Variants in PPME1 observed in about 807,000 individuals in gnomAD.
PPME1 encodes protein phosphatase methylesterase 1, also known as testicular secretory protein Li 39.
PPME1 carries 17 observed loss-of-function variants against 56.9 expected under a neutral mutation model. The ratio of observed to expected loss-of-function variants is 0.30; its 90% CI spans 0.20 to 0.45. The LOEUF (loss-of-function observed/expected upper bound fraction) is 0.45, where lower values mean the gene tolerates loss of function less well. PPME1 is among the 20% of genes least tolerant of loss of function. The pLI, the probability that PPME1 is intolerant of heterozygous loss-of-function variation, is 1.00. For missense variants in PPME1, 357 were observed against 483.2 expected, an observed-to-expected ratio of 0.74 and a Z score of 2.45; for synonymous variants, 122 against 156.2, an observed-to-expected ratio of 0.78 and a Z score of 1.63.
chr11:74,183,072 G>T (rs1183196440), intron 1 of PPME1, among the ~76,000 whole-genome samples: 1 of 151,998 alleles, frequency 6.6e-6, no homozygotes, highest in Non-Finnish European at 1.5e-5. Context: ...CGAGGTGGGA[G>T]GATTGCTTGA....
At chr11:74,206,783 T>G (rs1232892985) in intron 3 of PPME1, among the ~76,000 whole-genome samples, 5 of 152,114 alleles carry the variant, frequency 3.3e-5, no homozygotes, top group Non-Finnish European at 1.5e-5. Flanking sequence ...CCCAGGGTGG[T>G]GTCAAACTCC....
At chr11:74,214,519 G>GCATTTAATAATCAAACTC (rs1210099329) in intron 3 of PPME1, among the ~76,000 whole-genome samples, 9 of 151,808 alleles carry the variant, frequency 5.9e-5, no homozygotes, top group Admixed American at 4.6e-4. Context: ...CTACCTCAAG[G>GCATTTAATAATCAAACTC]CATTTAATAA....
chr11:74,181,753 T>A (rs1037928087), intron 1 of PPME1, among the ~76,000 whole-genome samples: 9 of 152,218 alleles, frequency 5.9e-5, no homozygotes, highest in Admixed American at 3.9e-4. Flanking sequence ...CACCTGTCAT[T>A]TTACCAGGAA....
intron 1 of PPME1, among the ~76,000 whole-genome samples, chr11:74,202,988 A>G (rs1240368542): frequency 6.6e-6 from 1 of 152,122 alleles, no homozygotes; most frequent in Non-Finnish European, 1.5e-5. Context: ...TTATATATTC[A>G]TATATAAAGA....
intron 11 of PPME1, chr11:74,247,448 GAT>G (rs1285871159): frequency 5.4e-6 from 1 of 183,990 alleles, no homozygotes; most frequent in South Asian, 1.9e-4. Flanking sequence ...TGTGAAAAGA[GAT>G]ATTCTGACTA....
intron 7 of PPME1, among the ~76,000 whole-genome samples, chr11:74,234,322 G>A (rs1031902393): frequency 2.6e-5 from 4 of 152,126 alleles, no homozygotes; most frequent in East Asian, 1.9e-4. Flanking sequence ...TTGGAGAATC[G>A]TCATCACATA....
intron 5 of PPME1, among the ~76,000 whole-genome samples, chr11:74,227,304 A>T (rs1194815396): frequency 6.6e-6 from 1 of 152,178 alleles, no homozygotes; most frequent in East Asian, 1.9e-4. Flanking sequence ...ATGAAGGATG[A>T]ATTGGAGTTG....
At chr11:74,171,940 G>A (rs1857252180) in intron 1 of PPME1, among the ~76,000 whole-genome samples, 2 of 152,144 alleles carry the variant, frequency 1.3e-5, no homozygotes, top group African/African-American at 4.8e-5. Context: ...AAAGGTTTGG[G>A]AGGAGTAGAT....
chr11:74,240,601 T>C (rs1222221520), intron 9 of PPME1, among the ~76,000 whole-genome samples: 1 of 152,228 alleles, frequency 6.6e-6, no homozygotes, highest in South Asian at 2.1e-4. Context: ...GTATTTTAAA[T>C]TTGAGGATCT....
intron 3 of PPME1, among the ~76,000 whole-genome samples, chr11:74,208,363 C>G (rs1374347722): frequency 6.6e-6 from 1 of 151,424 alleles, no homozygotes; most frequent in African/African-American, 2.4e-5. Context: ...AGCCAATCAG[C>G]AAATACTTAC....
At chr11:74,250,724 A>G in intron 11 of PPME1, 2 of 503,880 alleles carry the variant, frequency 4.0e-6, no homozygotes, top group African/African-American at 1.9e-5. Context: ...TCTGGCCCAC[A>G]GTAAATGTAC....
At chr11:74,251,515 A>T (rs1859661677) in intron 12 of PPME1, 133 bp from the exon 13 acceptor site, 1 of 1,469,348 alleles carries the variant, frequency 6.8e-7, no homozygotes, top group African/African-American at 1.4e-5. Flanking sequence ...AGGTCCTTTT[A>T]ATTTCAAGCC....
At chr11:74,181,113 C>T (rs974857931) in intron 1 of PPME1, among the ~76,000 whole-genome samples, 5 of 146,874 alleles carry the variant, frequency 3.4e-5, no homozygotes, top group Non-Finnish European at 5.9e-5. Context: ...GGCGCAATCT[C>T]GGCTCACTGC....
intron 1 of PPME1, among the ~76,000 whole-genome samples, chr11:74,193,263 C>T (rs1857890865): frequency 6.6e-6 from 1 of 152,208 alleles, no homozygotes; most frequent in Admixed American, 6.5e-5. Context: ...CATAGATTTT[C>T]CACATGGGTG....
intron 1 of PPME1, among the ~76,000 whole-genome samples, chr11:74,183,940 C>G (rs1221369356): frequency 6.6e-6 from 1 of 152,108 alleles, no homozygotes; most frequent in Non-Finnish European, 1.5e-5. Context: ...TTAGAATTGT[C>G]CATCCTGAAT....
At position 74,219,344 on chromosome 11, in the gene PPME1, A is replaced by C. The variant is rs545954703; in HGVS notation, c.289-2968A>C. Among the ~76,000 whole-genome samples, 8 of 151,784 alleles carry C rather than the reference A, an allele frequency of 5.3e-5. No homozygotes were observed. The South Asian group carries it at 1.2e-3, about 24-fold the overall frequency. On this transcript the variant is annotated intron_variant, in intron 3 of 13. Coordinates refer to ENST00000328257, the MANE Select transcript of PPME1 (RefSeq NM_016147.3). ...AGTTTGTTGATTCCTTAAAAAAAAA[A>C]AAAAAACTAAAAATAGAACTACCGT...
In PPME1 at chr11:74,247,225, C is replaced by T. The variant is rs999919834; in HGVS notation, c.1009+102C>T. On this transcript the variant is annotated intron_variant, in intron 11 of 13. Transcript: ENST00000328257. ...TGAGGTATAACGGAGAAAGCATGAG[C>T]TTTAGAGTCCGACCCAAGTTGGACA... The T allele has an allele frequency of 3.6e-5, 37 of 1,037,890 alleles. 1 individual carries two copies. In the East Asian group the frequency reaches 9.6e-4, roughly 27 times the overall value. The allele number at this position is 1,037,890 out of a possible 1,614,324, so 64.3% of individuals were successfully genotyped here. A position where few individuals can be genotyped will look rare whatever the true frequency, so the allele number is the denominator to read the frequency against.
intron 5 of PPME1, among the ~76,000 whole-genome samples, chr11:74,229,129 CCTACAGAA>C (rs1859003198): frequency 6.6e-6 from 1 of 152,136 alleles, no homozygotes; most frequent in Non-Finnish European, 1.5e-5. Context: ...AAAATCAGTT[CCTACAGAA>C]CTAATAACAT....
At chr11:74,194,827 A>AT (rs1185960020) in intron 1 of PPME1, among the ~76,000 whole-genome samples, 1 of 152,142 alleles carries the variant, frequency 6.6e-6, no homozygotes, top group African/African-American at 2.4e-5. Context: ...CTGATGGAGG[A>AT]TGTGTTTCAT....
Sources: allele counts gnomAD v4.1 joint callset (sites outside exome capture counted in the v4.1 genomes callset), GRCh38; gene constraint gnomAD v4.1.1; transcripts MANE v1.5; gene names NCBI Gene and HGNC (gene_info 2026-07-23, HGNC 2026-07-21).